The following RYR1 variants were observed in gnomAD, a reference collection of about 807,000 sequenced individuals.
RYR1 encodes ryanodine receptor 1.
RYR1 carries 342 observed loss-of-function variants against 583.5 expected under a neutral mutation model. That is an observed-to-expected ratio of 0.59 (90% CI 0.54 to 0.64). The LOEUF (loss-of-function observed/expected upper bound fraction) is 0.64, where lower values mean the gene tolerates loss of function less well. Among genes scored for constraint, RYR1 ranks in the 30% least tolerant of loss-of-function variants. The probability of loss-of-function intolerance (pLI) is 0.00; values close to 1 mark genes in which losing one functional copy is unlikely to be tolerated. For synonymous variants in RYR1, 2,791 were observed against 2,822.5 expected (o/e 0.99, Z 0.35); for missense variants, 6,032 against 6,917.2 (o/e 0.87, Z 4.54).
At chr19:38,501,041 A>G in intron 47 of RYR1, 51 bp downstream of exon 47, 1 of 1,582,794 alleles carries the variant, frequency 6.3e-7, no homozygotes. Flanking sequence ...ACAGAGGGAC[A>G]GGAGATGGGT....
rs748844266 is a variant in RYR1 at position 38,565,514 on chromosome 19, G to A, written c.13180G>A (p.Glu4394Lys). ...CCCCACCAGCGACGAGGTGCACGGC[G>A]AGCAGCCGGCCGGGCCGGGCGGAGA... is the stretch of plus-strand genomic sequence containing the variant. ...PDPTSDEVHG[E>K]QPAGPGGDAD... is the part of the protein sequence containing the mutation. Residue 4394 changes from glutamate (E) to lysine (K), a missense_variant, in exon 91 of 106, where the codon GAG becomes AAG. Transcript: ENST00000359596. This position sits in a 1 kb window ranked among gnomAD's most constrained non-coding sequence, Gnocchi z 4.7. 8.0e-5 allele frequency: 121 copies of A among 1,503,636 alleles called. No homozygotes were observed. Among genetic ancestry groups the A allele is most frequent in the Middle Eastern group, 2.3e-4 (1 of 4,278 alleles). The allele number at this position is 1,503,636 out of a possible 1,614,324, so 93.1% of individuals were successfully genotyped here.
Position 38,486,314 on chromosome 19 carries a change from C to T in RYR1, c.5547+112C>T, listed in dbSNP as rs1018083010. 1.4e-5 allele frequency: 18 copies of T among 1,288,672 alleles called. No homozygotes were observed. The South Asian group carries it at 1.5e-4, about 11-fold the overall frequency. The allele number at this position is 1,288,672 out of a possible 1,614,324, so 79.8% of individuals were successfully genotyped here. ...TTATGCATCCAACCACCCATTCATT[C>T]CCTCCTCTATACATCCATCCACCTT... On this transcript the variant is annotated intron_variant, in intron 34 of 105. Coordinates refer to ENST00000359596, the MANE Select transcript of RYR1 (RefSeq NM_000540.3).
chr19:38,583,284 C>G (rs1974296729), intron 101 of RYR1, among the ~76,000 whole-genome samples: 1 of 119,360 alleles, frequency 8.4e-6, no homozygotes, highest in Non-Finnish European at 1.7e-5. Context: ...GCAACAAGAG[C>G]AAAACTCCAT....
At chr19:38,439,179 C>G (rs868233447) in intron 1 of RYR1, among the ~76,000 whole-genome samples, 1 of 150,730 alleles carries the variant, frequency 6.6e-6, no homozygotes, top group East Asian at 1.9e-4. Context: ...CAGCCTATAC[C>G]ATTACTATTT....
intron 27 of RYR1, among the ~76,000 whole-genome samples, chr19:38,470,437 T>TG (rs1190417792): frequency 2.5e-5 from 3 of 121,478 alleles, no homozygotes; most frequent in Non-Finnish European, 3.4e-5. Context: ...CCTGTCTCAT[T>TG]GAAAAAAAAA....
In RYR1 at chr19:38,512,153, GCCCA is replaced by G; in HGVS notation, c.9233+23_9233+26del. 1 of 1,614,042 alleles carries G rather than the reference GCCCA, an allele frequency of 6.2e-7. No individual in the cohort carries two copies. The highest frequency in any genetic ancestry group is 8.5e-7 in the Non-Finnish European group (1 of 1,179,950). On this transcript the variant is annotated intron_variant, in intron 62 of 105. Coordinates refer to ENST00000359596, the MANE Select transcript of RYR1 (RefSeq NM_000540.3). The surrounding 1 kb of genome is among the most constrained non-coding windows in gnomAD (Gnocchi z 5.1). ...GCCAGGTAGGGCCATAGGCAGTGGCGCCCACTCCCACCATCATCGGGCCCCCACC... is the reference window on the plus strand; with the variant it reads ...GCCAGGTAGGGCCATAGGCAGTGGCGCTCCCACCATCATCGGGCCCCCACC...
Position 38,525,296 on chromosome 19 carries a change from G to A in RYR1, c.10456-36G>A, listed in dbSNP as rs748933946. On this transcript the variant is annotated intron_variant, in intron 70 of 105. Coordinates refer to ENST00000359596, the MANE Select transcript of RYR1 (RefSeq NM_000540.3). Reference sequence around the variant, plus strand: ...GGGTTGGGGCTGAGGCATGGGATTGGGGCTTGGGCTGGTGCTGAGCCCTGT... The same window carrying A: ...GGGTTGGGGCTGAGGCATGGGATTGAGGCTTGGGCTGGTGCTGAGCCCTGT... 9.9e-6 allele frequency: 16 copies of A among 1,613,478 alleles called. No homozygotes were observed. In the South Asian group the frequency reaches 1.6e-4, roughly 17 times the overall value.
chr19:38,506,995 A>C lies in RYR1; in HGVS notation c.8816+43A>C, dbSNP rs2960346. The C allele has an allele frequency of 0.28, 451,201 of 1,610,100 alleles. 67,219 individuals are homozygous for C. Among genetic ancestry groups the C allele is most frequent in the South Asian group, 0.45 (40,640 of 90,862 alleles). ...CCCGCGGAAGAGCAGCAGGCAGAAC[A>C]CACCCGGCAAAGGCTGGAAGGGGCG... is the stretch of plus-strand genomic sequence containing the variant. On this transcript the variant is annotated intron_variant, in intron 57 of 105. Coordinates refer to ENST00000359596, the MANE Select transcript of RYR1 (RefSeq NM_000540.3).
At chr19:38,542,117 T>TC (rs1972224283) in intron 84 of RYR1, among the ~76,000 whole-genome samples, 1 of 150,464 alleles carries the variant, frequency 6.6e-6, no homozygotes, top group Non-Finnish European at 1.5e-5. Context: ...TTTTTTTTTT[T>TC]ACTACTGTAT....
At chr19:38,581,505 G>A (rs1254668067) in intron 101 of RYR1, among the ~76,000 whole-genome samples, 1 of 152,010 alleles carries the variant, frequency 6.6e-6, no homozygotes. Context: ...GTGAGCCGCC[G>A]CACCTGGCCA....
intron 99 of RYR1, among the ~76,000 whole-genome samples, chr19:38,578,480 C>T (rs1974057857): frequency 6.6e-6 from 1 of 152,184 alleles, no homozygotes; most frequent in South Asian, 2.1e-4. Flanking sequence ...ATCACTGGAG[C>T]CCAGAGTTTG....
intron 58 of RYR1, among the ~76,000 whole-genome samples, chr19:38,508,078 C>T (rs1409373520): frequency 1.3e-5 from 2 of 152,184 alleles, no homozygotes; most frequent in South Asian, 2.1e-4. Context: ...ATAACTAAAT[C>T]GTTTAGTGTT....
chr19:38,534,262 C>A (rs994091869), intron 78 of RYR1, among the ~76,000 whole-genome samples: 5 of 152,066 alleles, frequency 3.3e-5, no homozygotes, highest in African/African-American at 1.2e-4. Context: ...CTCCCTGCCT[C>A]GGCCTCCCAA....
intron 79 of RYR1, 121 bp downstream of exon 79, chr19:38,534,940 AC>A: frequency 8.4e-7 from 1 of 1,184,640 alleles, no homozygotes. Context: ...TTGCACGCAC[AC>A]CCCAGCCCTT....
rs1967149532 is a variant in RYR1 at position 38,452,836 on chromosome 19, G to GCGGGAAGCCA, written c.1267_1276dup (p.Gly426GlufsTer82). 1 of 1,598,330 alleles carries GCGGGAAGCCA rather than the reference G, an allele frequency of 6.3e-7. No individual in the cohort carries two copies. Among genetic ancestry groups the GCGGGAAGCCA allele is most frequent in the African/African-American group, 1.3e-5 (1 of 74,858 alleles). ...CCCTGTAGGAGCCTGGACAGCTTCA[G>GCGGGAAGCCA]CGGGAAGCCACGGGGCTCGGGGCCA... On this transcript the variant is annotated frameshift_variant, in exon 13 of 106. Transcript: ENST00000359596. LOFTEE classifies it high-confidence loss of function.
In RYR1 at chr19:38,440,823, G is replaced by C. The variant is rs759417601; in HGVS notation, c.124G>C (p.Gly42Arg). The C allele has an allele frequency of 1.9e-6, 3 of 1,610,174 alleles. No homozygotes were observed. Among genetic ancestry groups the C allele is most frequent in the Non-Finnish European group, 2.5e-6 (3 of 1,179,008 alleles). Reference protein sequence around the residue: ...LKLCLAAEGFGNRLCFLEPTS... With the variant: ...LKLCLAAEGFRNRLCFLEPTS... Reference sequence around the variant, plus strand: ...GCTCTGCCTGGCCGCCGAGGGCTTCGGCAACCGCCTGTGCTTCCTGGAGCC... The same window carrying C: ...GCTCTGCCTGGCCGCCGAGGGCTTCCGCAACCGCCTGTGCTTCCTGGAGCC... The change falls in exon 2 of 106, where the codon GGC (glycine) becomes CGC (arginine). Residue 42 changes from glycine to arginine, a missense_variant. This residue lies in a region of RYR1 where 71 missense variants were observed against 75.3 expected (regional missense o/e 0.94). Coordinates refer to ENST00000359596, the MANE Select transcript of RYR1 (RefSeq NM_000540.3).
intron 93 of RYR1, among the ~76,000 whole-genome samples, chr19:38,570,406 C>T (rs1031792393): frequency 3.9e-5 from 6 of 152,130 alleles, no homozygotes; most frequent in Non-Finnish European, 8.8e-5. Flanking sequence ...GAGCCAAGAT[C>T]GCACCACTGC....
At chr19:38,436,350 C>G (rs1459817192) in intron 1 of RYR1, among the ~76,000 whole-genome samples, 1 of 152,042 alleles carries the variant, frequency 6.6e-6, no homozygotes, top group Non-Finnish European at 1.5e-5. Context: ...TGGGACTACA[C>G]GTGCATAGCA....
At chr19:38,583,941 C>T (rs1774496815) in intron 101 of RYR1, among the ~76,000 whole-genome samples, 1 of 152,050 alleles carries the variant, frequency 6.6e-6, no homozygotes, top group African/African-American at 2.4e-5. Context: ...ATTTTCCAGC[C>T]TCACCCAACC....
Sources: allele counts gnomAD v4.1 joint callset (sites outside exome capture counted in the v4.1 genomes callset), GRCh38; gene constraint gnomAD v4.1.1; regional missense constraint gnomAD v4.1.1; non-coding constraint Gnocchi (gnomAD v3.1); transcripts MANE v1.5; gene names NCBI Gene and HGNC (gene_info 2026-07-23, HGNC 2026-07-21).